Variants in MYEF2 observed in about 807,000 individuals in gnomAD.
MYEF2 encodes myelin gene expression factor 2.
Under a neutral mutation model 75.2 loss-of-function variants are expected in MYEF2, and 37 were observed. The observed-to-expected ratio is 0.49, with a 90% confidence interval of 0.38 to 0.65. The LOEUF (loss-of-function observed/expected upper bound fraction) is 0.65. Among genes scored for constraint, MYEF2 ranks in the 30% least tolerant of loss-of-function variants. MYEF2 has a pLI of 0.00. For synonymous variants in MYEF2, 195 were observed against 241.6 expected (o/e 0.81, Z 1.79); for missense variants, 634 against 771.4 (o/e 0.82, Z 2.11).
At chr15:48,166,625 T>C (rs1324934711) in intron 3 of MYEF2, among the ~76,000 whole-genome samples, 1 of 152,010 alleles carries the variant, frequency 6.6e-6, no homozygotes, top group African/African-American at 2.4e-5. Flanking sequence ...CAGTTGGAAG[T>C]ATGTAAAAAT....
rs1358253840 is a variant in MYEF2, at chr15:48,159,635, C to A, written c.695G>T (p.Gly232Val). ...TACATTGGCAACAAAAATTGTGGAA[C>A]CAAGTCTACCGGCCTGCAAATTACT... Reference protein sequence around the residue: ...VISNLQAGRLGSTIFVANLDF... With the variant: ...VISNLQAGRLVSTIFVANLDF... Residue 232 changes from glycine to valine, a missense_variant, in exon 6 of 17, where the codon GGT becomes GTT. Coordinates refer to ENST00000324324, the MANE Select transcript of MYEF2 (RefSeq NM_016132.5). 1 of 1,610,306 alleles carries A rather than the reference C, an allele frequency of 6.2e-7. No individual in the cohort carries two copies. Among genetic ancestry groups the A allele is most frequent in the Non-Finnish European group, 8.5e-7 (1 of 1,179,102 alleles).
At chr15:48,163,576 T>A (rs1370509429) in intron 5 of MYEF2, among the ~76,000 whole-genome samples, 1 of 152,154 alleles carries the variant, frequency 6.6e-6, no homozygotes, top group African/African-American at 2.4e-5. Flanking sequence ...AACAATAGAT[T>A]TTCAGTGTAA....
At chr15:48,163,048 GA>G (rs2140902794) in intron 5 of MYEF2, among the ~76,000 whole-genome samples, 1 of 152,278 alleles carries the variant, frequency 6.6e-6, no homozygotes, top group Admixed American at 6.5e-5. Context: ...CAAAAGTTCA[GA>G]CAGGTGAAAA....
intron 16 of MYEF2, among the ~76,000 whole-genome samples, chr15:48,146,997 T>A (rs930074808): frequency 4.0e-5 from 6 of 151,882 alleles, no homozygotes; most frequent in African/African-American, 1.4e-4. Context: ...ATATAAAATC[T>A]AAGAGTCAGA....
At chr15:48,147,161 A>G (rs1231263707) in intron 16 of MYEF2, among the ~76,000 whole-genome samples, 3 of 151,984 alleles carry the variant, frequency 2.0e-5, no homozygotes, top group Non-Finnish European at 2.9e-5. Context: ...AAAATTTTCT[A>G]TGTAGATTTG....
rs776460023 is a variant in MYEF2 at position 48,141,926 on chromosome 15, G to C, written c.*982C>G. The C allele has an allele frequency of 1.1e-6, 1 of 886,636 alleles. No homozygotes were observed. Among genetic ancestry groups the C allele is most frequent in the African/African-American group, 1.7e-5 (1 of 59,708 alleles). The allele number at this position is 886,636 out of a possible 1,614,324, so 54.9% of individuals were successfully genotyped here. On this transcript the variant is annotated 3_prime_UTR_variant, in exon 17 of 17. Transcript: ENST00000324324. ...TGCTCTAACAACAATTTTTCAAAAC[G>C]AATCAACAACAAAAAAGTATCCAGT...
intron 5 of MYEF2, among the ~76,000 whole-genome samples, chr15:48,160,635 T>C (rs1447267230): frequency 1.3e-5 from 2 of 151,846 alleles, no homozygotes; most frequent in African/African-American, 4.8e-5. Flanking sequence ...CAAATGATTA[T>C]GTTAAAGGTA....
At position 48,178,076 on chromosome 15, in the gene MYEF2, C is replaced by G. The variant is rs2040622776; in HGVS notation, c.161+1G>C. ...CCGGTTCCCGGAGGAAAAGACAATA[C>G]ATTTTAACGCCATTGGAGCTGCTGC... is the stretch of plus-strand genomic sequence containing the variant. On this transcript the variant is annotated splice_donor_variant, in intron 1 of 16. Coordinates refer to ENST00000324324, the MANE Select transcript of MYEF2 (RefSeq NM_016132.5). LOFTEE classifies it high-confidence loss of function. The G allele has an allele frequency of 6.3e-7, 1 of 1,597,780 alleles. No individual in the cohort carries two copies. The highest frequency in any genetic ancestry group is 8.5e-7 in the Non-Finnish European group (1 of 1,172,590).
rs1316943697 is a variant in MYEF2 at position 48,137,719 on chromosome 15, G to A, written c.*5189C>T. On this transcript the variant is annotated 3_prime_UTR_variant, in exon 17 of 17. Transcript: ENST00000324324. Reference sequence around the variant, plus strand: ...AAAAAGGAACAAAGACACCTCCTATGTTTTAATCTTGACTGAGAAAATGGG... The same window carrying A: ...AAAAAGGAACAAAGACACCTCCTATATTTTAATCTTGACTGAGAAAATGGG... 6.6e-6 allele frequency: 1 copy of A among 152,022 alleles called. No homozygotes were observed. The highest frequency in any genetic ancestry group is 1.5e-5 in the Non-Finnish European group (1 of 68,004). The allele number at this position is 152,022 out of a possible 1,614,324, so 9.4% of individuals were successfully genotyped here. A position where few individuals can be genotyped will look rare whatever the true frequency, so the allele number is the denominator to read the frequency against.
chr15:48,171,248 C>A (rs2040330543), intron 1 of MYEF2, among the ~76,000 whole-genome samples: 1 of 152,158 alleles, frequency 6.6e-6, no homozygotes, highest in Admixed American at 6.5e-5. Flanking sequence ...GTAACTAAGA[C>A]TCTATTCAGT....
At chr15:48,168,502 T>A (rs1421099322) in intron 2 of MYEF2, 129 bp downstream of exon 2, 6 of 680,290 alleles carry the variant, frequency 8.8e-6, no homozygotes, top group Non-Finnish European at 1.5e-5. Flanking sequence ...AAAAGATTAA[T>A]TCACATGTCA....
chr15:48,151,047 C>A, intron 14 of MYEF2, 53 bp downstream of exon 14: 2 of 1,298,140 alleles, frequency 1.5e-6, no homozygotes, highest in Non-Finnish European at 2.2e-6. Flanking sequence ...CTTGCAAAGT[C>A]TTTGCAAGCA....
intron 1 of MYEF2, among the ~76,000 whole-genome samples, chr15:48,169,195 C>G (rs2040237088): frequency 6.6e-6 from 1 of 152,274 alleles, no homozygotes; most frequent in African/African-American, 2.4e-5. Context: ...AAACTGCCAC[C>G]TTTGATGGAG....
At chr15:48,143,818 G>A (rs1017736885) in intron 16 of MYEF2, among the ~76,000 whole-genome samples, 4 of 152,022 alleles carry the variant, frequency 2.6e-5, no homozygotes, top group Admixed American at 6.6e-5. Context: ...CTAGAGACTC[G>A]TATTTGAAGT....
intron 1 of MYEF2, 68 bp from the exon 2 acceptor site, chr15:48,168,907 T>A: frequency 8.4e-7 from 1 of 1,188,308 alleles, no homozygotes; most frequent in Non-Finnish European, 1.2e-6. Flanking sequence ...AAGTCTATAT[T>A]AAATAAGTAT....
At chr15:48,177,026 T>C (rs575289495) in intron 1 of MYEF2, among the ~76,000 whole-genome samples, 8 of 152,312 alleles carry the variant, frequency 5.3e-5, no homozygotes, top group Admixed American at 3.9e-4. Context: ...ATTTCAAACA[T>C]GCTTATACAA....
intron 1 of MYEF2, among the ~76,000 whole-genome samples, chr15:48,171,338 T>A (rs1597356789): frequency 6.6e-6 from 1 of 152,180 alleles, no homozygotes; most frequent in East Asian, 1.9e-4. Flanking sequence ...ATTGTGAAAA[T>A]TACACAAAGT....
At chr15:48,165,744 T>C (rs756813422) in intron 5 of MYEF2, among the ~76,000 whole-genome samples, 189 bp downstream of exon 5, 32 of 152,064 alleles carry the variant, frequency 2.1e-4, no homozygotes, top group Admixed American at 6.5e-4. Context: ...ATCAAGTATA[T>C]AGGATAACTG....
rs979248637 is a variant in MYEF2, at chr15:48,140,956, T to C, written c.*1952A>G. 1.9e-6 allele frequency: 1 copy of C among 533,502 alleles called. No individual in the cohort carries two copies. Among genetic ancestry groups the C allele is most frequent in the Non-Finnish European group, 3.3e-6 (1 of 302,564 alleles). The allele number at this position is 533,502 out of a possible 1,614,324, so 33.0% of individuals were successfully genotyped here. A position where few individuals can be genotyped will look rare whatever the true frequency, so the allele number is the denominator to read the frequency against. On this transcript the variant is annotated 3_prime_UTR_variant, in exon 17 of 17. Transcript: ENST00000324324. ...CCGAATTACCAGCCTGATTCAAATA[T>C]GTTGCTAGCTAAAAAACTAATAAGC...
Sources: allele counts gnomAD v4.1 joint callset (sites outside exome capture counted in the v4.1 genomes callset), GRCh38; gene constraint gnomAD v4.1.1; transcripts MANE v1.5; gene names NCBI Gene and HGNC (gene_info 2026-07-23, HGNC 2026-07-21).